The following NRG3 variants were observed in gnomAD, a reference collection of about 807,000 sequenced individuals.
The protein encoded by NRG3 is pro-neuregulin-3, membrane-bound isoform.
A neutral mutation model predicts 66.9 loss-of-function variants in NRG3; 31 were observed. That is an observed-to-expected ratio of 0.46 (90% CI 0.35 to 0.63). The LOEUF (loss-of-function observed/expected upper bound fraction) is 0.63, where lower values mean the gene tolerates loss of function less well. Ranked by LOEUF, NRG3 falls within the 20% of genes least tolerant of loss-of-function variation. NRG3 has a pLI of 0.00. For synonymous variants in NRG3, 393 were observed against 359.4 expected, an observed-to-expected ratio of 1.09 and a Z score of -1.06; for missense variants, 910 against 878.9, an observed-to-expected ratio of 1.04 and a Z score of -0.45.
chr10:82,654,183 G>A (rs1210976504), intron 2 of NRG3, among the ~76,000 whole-genome samples: 2 of 152,154 alleles, frequency 1.3e-5, no homozygotes, highest in East Asian at 1.9e-4. Flanking sequence ...CCTCTTAAGT[G>A]AAGGTTGAAG....
chr10:82,312,717 T>C (rs2081093257), intron 1 of NRG3, among the ~76,000 whole-genome samples: 1 of 152,080 alleles, frequency 6.6e-6, no homozygotes, highest in South Asian at 2.1e-4. Context: ...AAAGAAAAAT[T>C]GTAGTAAAAA....
chr10:82,935,353 T>C (rs546480811), intron 4 of NRG3, among the ~76,000 whole-genome samples: 10 of 152,324 alleles, frequency 6.6e-5, no homozygotes, highest in Admixed American at 6.5e-4. Flanking sequence ...ACCTTACAGA[T>C]GATCAGTATT....
chr10:82,492,319 T>A (rs1231697189), intron 2 of NRG3, among the ~76,000 whole-genome samples: 1 of 152,208 alleles, frequency 6.6e-6, no homozygotes, highest in Non-Finnish European at 1.5e-5. Flanking sequence ...ATGGTTTCAA[T>A]CTCATGCAGA....
intron 2 of NRG3, among the ~76,000 whole-genome samples, chr10:82,528,906 G>C (rs1846986898): frequency 1.3e-5 from 2 of 152,048 alleles, no homozygotes; most frequent in Admixed American, 6.6e-5. Flanking sequence ...ACCTAGGATA[G>C]CCCTGGTTAT....
intron 1 of NRG3, among the ~76,000 whole-genome samples, chr10:82,098,321 A>G (rs2066500724): frequency 6.7e-6 from 1 of 149,818 alleles, no homozygotes; most frequent in Non-Finnish European, 1.5e-5. Flanking sequence ...TATAGATGTC[A>G]TCTATATATA....
At chr10:82,147,762 T>C (rs1157458621) in intron 1 of NRG3, among the ~76,000 whole-genome samples, 1 of 152,200 alleles carries the variant, frequency 6.6e-6, no homozygotes, top group African/African-American at 2.4e-5. Context: ...TTAGAGCCTT[T>C]ACTAATTTAT....
chr10:82,936,685 A>T (rs888295589), intron 4 of NRG3, among the ~76,000 whole-genome samples: 4 of 152,214 alleles, frequency 2.6e-5, no homozygotes, highest in African/African-American at 4.8e-5. Flanking sequence ...TCCACAATGT[A>T]TATATACTTC....
chr10:82,474,780 C>T (rs1189697404), intron 2 of NRG3, among the ~76,000 whole-genome samples: 1 of 151,840 alleles, frequency 6.6e-6, no homozygotes, highest in East Asian at 1.9e-4. Context: ...CAGTGAACTC[C>T]AAATAGGATA....
intron 3 of NRG3, among the ~76,000 whole-genome samples, chr10:82,850,386 G>C (rs765184310): frequency 5.9e-5 from 9 of 152,134 alleles, no homozygotes; most frequent in Non-Finnish European, 1.3e-4. Flanking sequence ...CCTGCAATGA[G>C]CAAATGAATT....
At chr10:82,128,393 T>C (rs1172060200) in intron 1 of NRG3, among the ~76,000 whole-genome samples, 1 of 152,044 alleles carries the variant, frequency 6.6e-6, no homozygotes, top group East Asian at 1.9e-4. Context: ...AGAGATACTT[T>C]TCAGCAGTTG....
In NRG3 at chr10:82,098,054, T is replaced by TACACACAC. The variant is rs61481796; in HGVS notation, c.823+221917_823+221924dup. Among the ~76,000 whole-genome samples, 39 of 146,802 alleles carry TACACACAC rather than the reference T, an allele frequency of 2.7e-4. No individual in the cohort carries two copies. In the South Asian group the frequency reaches 2.9e-3, roughly 11 times the overall value. On this transcript the variant is annotated intron_variant, in intron 1 of 8. Transcript: ENST00000372141. Reference sequence around the variant, plus strand: ...CTAACAATGTAGTCTGCCACATATATACACACACACACACACACACACACA... The same window carrying TACACACAC: ...CTAACAATGTAGTCTGCCACATATATACACACACACACACACACACACACACACACACA...
At chr10:82,595,342 C>A (rs1430708252) in intron 2 of NRG3, among the ~76,000 whole-genome samples, 1 of 152,114 alleles carries the variant, frequency 6.6e-6, no homozygotes, top group Non-Finnish European at 1.5e-5. Context: ...GTTTATTAAC[C>A]TCTGTTACCC....
At chr10:82,040,111 A>C (rs916388509) in intron 1 of NRG3, among the ~76,000 whole-genome samples, 1 of 152,098 alleles carries the variant, frequency 6.6e-6, no homozygotes. Flanking sequence ...AGTTGATAAA[A>C]TTTTAGGTGA....
chr10:82,314,361 G>T (rs897720327), intron 1 of NRG3, among the ~76,000 whole-genome samples: 5 of 151,914 alleles, frequency 3.3e-5, no homozygotes, highest in African/African-American at 1.2e-4. Flanking sequence ...TATTGTCAAG[G>T]CTTCTAAAAT....
chr10:82,531,509 A>C lies in NRG3; in HGVS notation c.953+172641A>C, dbSNP rs181910049. 5.3e-4 allele frequency among the ~76,000 whole-genome samples: 81 copies of C among 151,946 alleles called. 1 individual carries two copies. The highest frequency in any genetic ancestry group is 2.7e-3 in the Admixed American group (41 of 15,252). Reference sequence around the variant, plus strand: ...TTTAACATTGTTTTTGAATAGAAATATTTTATAATCTACCAACATAAGCCA... The same window carrying C: ...TTTAACATTGTTTTTGAATAGAAATCTTTTATAATCTACCAACATAAGCCA... On this transcript the variant is annotated intron_variant, in intron 2 of 8. Transcript: ENST00000372141.
chr10:82,400,485 GACAC>G (rs1269736177), intron 2 of NRG3, among the ~76,000 whole-genome samples: 3 of 152,048 alleles, frequency 2.0e-5, no homozygotes, highest in African/African-American at 7.2e-5. Flanking sequence ...AGCTTCAGAT[GACAC>G]ACATGCTGCT....
At chr10:82,228,768 G>A (rs1397876889) in intron 1 of NRG3, among the ~76,000 whole-genome samples, 4 of 152,174 alleles carry the variant, frequency 2.6e-5, no homozygotes, top group African/African-American at 9.7e-5. Flanking sequence ...AGGCTCCAGA[G>A]CCCAGTATGC....
intron 4 of NRG3, among the ~76,000 whole-genome samples, chr10:82,907,420 T>G (rs908616880): frequency 6.6e-6 from 1 of 152,268 alleles, no homozygotes; most frequent in South Asian, 2.1e-4. Flanking sequence ...GATTCTATTG[T>G]AGTCTCCTCC....
chr10:82,761,918 CTTTCTCTTTCTT>C (rs1346481226), intron 3 of NRG3, among the ~76,000 whole-genome samples: 24 of 127,300 alleles, frequency 1.9e-4, no homozygotes, highest in Admixed American at 1.3e-3. Flanking sequence ...TTCTTTCTTT[CTTTCTCTTTCTT>C]TCTTTCTTTC....
Sources: gnomAD v4.1 joint callset for allele counts (sites outside exome capture counted in the v4.1 genomes callset) on GRCh38, gnomAD v4.1.1 for gene constraint, MANE v1.5 for transcripts, NCBI Gene and HGNC (gene_info 2026-07-23, HGNC 2026-07-21) for gene names.